Variants in PPARD observed in about 807,000 individuals in gnomAD.
PPARD encodes peroxisome proliferator activated receptor delta.
Under a neutral mutation model 39.5 loss-of-function variants are expected in PPARD, and 6 were observed. That is an observed-to-expected ratio of 0.15 (90% CI 0.08 to 0.30). The LOEUF is 0.30. Ranked by LOEUF, PPARD falls within the 10% of genes least tolerant of loss-of-function variation. The pLI is 1.00. For synonymous variants in PPARD, 210 were observed against 231.3 expected, an observed-to-expected ratio of 0.91 and a Z score of 0.83; for missense variants, 397 against 596.8, an observed-to-expected ratio of 0.67 and a Z score of 3.49.
intron 2 of PPARD, among the ~76,000 whole-genome samples, chr6:35,410,700 G>A (rs1765369493): frequency 6.6e-6 from 1 of 152,208 alleles, no homozygotes; most frequent in South Asian, 2.1e-4. Flanking sequence ...ACAGAAGGCA[G>A]CAGAGGAGGC....
Position 35,420,232 on chromosome 6 carries a change from A to T in PPARD, c.236A>T (p.Asp79Val). 1 of 1,607,808 alleles carries T rather than the reference A, an allele frequency of 6.2e-7. No individual in the cohort carries two copies. Among genetic ancestry groups the T allele is most frequent in the Non-Finnish European group, 8.5e-7 (1 of 1,176,780 alleles). The change falls in exon 4 of 8, where the codon GAC (aspartate) becomes GTC (valine). Residue 79 changes from aspartate to valine, a missense_variant. By Grantham distance (152) the Asp-to-Val change is radical. Transcript: ENST00000360694. ...SLNMECRVCG[D>V]KASGFHYGVH... Reference sequence around the variant, plus strand: ...AACATGGAGTGCCGGGTGTGCGGGGACAAGGCATCGGGCTTCCACTACGGT... The same window carrying T: ...AACATGGAGTGCCGGGTGTGCGGGGTCAAGGCATCGGGCTTCCACTACGGT...
chr6:35,395,698 G>T (rs1476063397), intron 2 of PPARD, among the ~76,000 whole-genome samples: 1 of 152,208 alleles, frequency 6.6e-6, no homozygotes, highest in Non-Finnish European at 1.5e-5. Context: ...AGTCTAATTG[G>T]TCAGGATACA....
chr6:35,423,967 C>T lies in PPARD; in HGVS notation c.446C>T (p.Pro149Leu), dbSNP rs200709799. 1.9e-6 allele frequency: 3 copies of T among 1,614,120 alleles called. No individual in the cohort carries two copies. Among genetic ancestry groups the T allele is most frequent in the South Asian group, 2.2e-5 (2 of 91,078 alleles). Residue 149 changes from proline to leucine, a missense_variant, in exon 6 of 8, where the codon CCG (proline) becomes CTG (leucine). Physicochemically the swap from Pro to Leu is moderately conservative, Grantham distance 98. Transcript: ENST00000360694. ...SHNAIRFGRM[P>L]EAEKRKLVAG... ...GCAGCTATCCGTTTTGGTCGGATGC[C>T]GGAGGCTGAGAAGAGGAAGCTGGTG...
At chr6:35,360,401 C>T (rs1761867193) in intron 2 of PPARD, among the ~76,000 whole-genome samples, 2 of 152,186 alleles carry the variant, frequency 1.3e-5, no homozygotes, top group South Asian at 2.1e-4. Flanking sequence ...CGTTACCCCA[C>T]GGATGAGATC....
At chr6:35,411,709 G>C (rs989161661) in intron 3 of PPARD, among the ~76,000 whole-genome samples, 1 of 152,178 alleles carries the variant, frequency 6.6e-6, no homozygotes, top group Non-Finnish European at 1.5e-5. Context: ...TAAGCAGTTA[G>C]TATGAATAAC....
Position 35,363,541 on chromosome 6 carries a change from T to C in PPARD, c.-102+16391T>C, listed in dbSNP as rs533587901. The stretch of plus-strand genomic sequence containing the variant: ...CATCTGGGGTGACTTCTGGGGCTGG[T>C]GCCTCAGCCTCCAGACGCTCTCCAG... On this transcript the variant is annotated intron_variant, in intron 2 of 7. Transcript: ENST00000360694. This position sits in a 1 kb window ranked among gnomAD's most constrained non-coding sequence, Gnocchi z 4.5. 2.6e-5 allele frequency among the ~76,000 whole-genome samples: 4 copies of C among 152,174 alleles called. No individual in the cohort carries two copies. The highest frequency in any genetic ancestry group is 6.5e-5 in the Admixed American group (1 of 15,276).
chr6:35,351,288 G>T lies in PPARD; in HGVS notation c.-102+4138G>T, dbSNP rs547301432. 2.0e-5 allele frequency among the ~76,000 whole-genome samples: 3 copies of T among 152,294 alleles called. No individual in the cohort carries two copies. The South Asian group carries it at 6.2e-4, about 32-fold the overall frequency. On this transcript the variant is annotated intron_variant, in intron 2 of 7. Transcript: ENST00000360694. ...GATTCACCCGCGTCGGCCTCCCAAA[G>T]TGCTGGGATTACAGATGTGAGCCAC...
rs758778103 is a variant in PPARD at position 35,420,265 on chromosome 6, C to G, written c.269C>G (p.Ala90Gly). ...KASGFHYGVH[A>G]CEGCKGFFRR... is the part of the protein sequence containing the mutation. The stretch of plus-strand genomic sequence containing the variant: ...TCGGGCTTCCACTACGGTGTTCATG[C>G]ATGTGAGGGGTGCAAGGTACGGACT... Residue 90 changes from alanine to glycine, a missense_variant, in exon 4 of 8, where the codon GCA becomes GGA. Transcript: ENST00000360694. 1 of 1,583,988 alleles carries G rather than the reference C, an allele frequency of 6.3e-7. No homozygotes were observed. The highest frequency in any genetic ancestry group is 1.2e-5 in the South Asian group (1 of 85,840).
Position 35,407,895 on chromosome 6 carries a change from C to T in PPARD, c.-101-3092C>T, listed in dbSNP as rs79634747. 7.4e-3 allele frequency among the ~76,000 whole-genome samples: 1,127 copies of T among 151,958 alleles called. 11 individuals carry two copies. Among genetic ancestry groups the T allele is most frequent in the African/African-American group, 0.026 (1,077 of 41,464 alleles). On this transcript the variant is annotated intron_variant, in intron 2 of 7. Transcript: ENST00000360694. ...CCAGTATTGTGGCCAACTTCCACCC[C>T]AGAACCCCACTCTACTCTTGAGCTA...
chr6:35,352,134 G>A (rs1266074438), intron 2 of PPARD, among the ~76,000 whole-genome samples: 1 of 151,402 alleles, frequency 6.6e-6, no homozygotes, highest in Non-Finnish European at 1.5e-5. Context: ...GCCTCCCAAA[G>A]TGCTGGGATT....
Position 35,424,944 on chromosome 6 carries a change from C to G in PPARD, c.1078+165C>G, listed in dbSNP as rs934441002. 9 of 1,437,876 alleles carry G rather than the reference C, an allele frequency of 6.3e-6. No homozygotes were observed. Among genetic ancestry groups the G allele is most frequent in the Admixed American group, 2.8e-5 (1 of 35,798 alleles). The allele number at this position is 1,437,876 out of a possible 1,614,324, so 89.1% of individuals were successfully genotyped here. A position where few individuals can be genotyped will look rare whatever the true frequency, so the allele number is the denominator to read the frequency against. ...ACTGACTGAGCATGCAGGATCAGCT[C>G]CATCTCATTATGTACGTAGATAGAG... On this transcript the variant is annotated intron_variant, in intron 7 of 7. Transcript: ENST00000360694. The surrounding 1 kb of genome is among the most constrained non-coding windows in gnomAD (Gnocchi z 7.1).
chr6:35,384,503 C>A (rs1436693946), intron 2 of PPARD, among the ~76,000 whole-genome samples: 19 of 123,178 alleles, frequency 1.5e-4, no homozygotes, highest in African/African-American at 6.7e-4. Flanking sequence ...CAGCCCCCCG[C>A]CCGGCCAGCC....
chr6:35,361,033 A>C (rs1450176762), intron 2 of PPARD, among the ~76,000 whole-genome samples: 1 of 152,176 alleles, frequency 6.6e-6, no homozygotes, highest in Non-Finnish European at 1.5e-5. Flanking sequence ...CGAGACAGAG[A>C]AACAGCCACA....
At position 35,424,824 on chromosome 6, in the gene PPARD, G is replaced by A. The variant is rs144386007; in HGVS notation, c.1078+45G>A. 1.2e-3 allele frequency: 1,915 copies of A among 1,592,660 alleles called. 13 individuals carry two copies. In the Middle Eastern group the frequency reaches 0.013, roughly 11 times the overall value. On this transcript the variant is annotated intron_variant, in intron 7 of 7. Coordinates refer to ENST00000360694, the MANE Select transcript of PPARD (RefSeq NM_006238.5). This position sits in a 1 kb window ranked among gnomAD's most constrained non-coding sequence, Gnocchi z 7.1. ...GTGGGCTGGCCTGGCACACCCAGTCGTCCTGGGGGTTGGCCCTCACTGCAG... is the reference window on the plus strand; with the variant it reads ...GTGGGCTGGCCTGGCACACCCAGTCATCCTGGGGGTTGGCCCTCACTGCAG...
At chr6:35,423,248 G>A (rs544720407) in intron 5 of PPARD, among the ~76,000 whole-genome samples, 1 of 151,424 alleles carries the variant, frequency 6.6e-6, no homozygotes, top group East Asian at 2.0e-4. Context: ...AAAGAAAAAG[G>A]CTGGGCATGG....
intron 2 of PPARD, among the ~76,000 whole-genome samples, chr6:35,350,155 A>T (rs1035379544): frequency 6.6e-6 from 1 of 151,926 alleles, no homozygotes; most frequent in East Asian, 1.9e-4. Context: ...CTTGTTATTA[A>T]CCCCTTGTGA....
chr6:35,375,301 T>C (rs1156302437), intron 2 of PPARD, among the ~76,000 whole-genome samples: 1 of 126,884 alleles, frequency 7.9e-6, no homozygotes, highest in Non-Finnish European at 1.6e-5. Context: ...CAGCGCAACC[T>C]CTGCCTCCCA....
chr6:35,388,859 C>G (rs1763836687), intron 2 of PPARD, among the ~76,000 whole-genome samples: 1 of 152,210 alleles, frequency 6.6e-6, no homozygotes. Context: ...TAATCATTGA[C>G]TTATCAGACA....
intron 2 of PPARD, among the ~76,000 whole-genome samples, chr6:35,404,994 TGTGTGTAC>T: frequency 6.7e-6 from 1 of 150,296 alleles, no homozygotes; most frequent in African/African-American, 2.4e-5. Flanking sequence ...TGTGTGTGTG[TGTGTGTAC>T]ACACATACAT....
Sources: allele counts gnomAD v4.1 joint callset (sites outside exome capture counted in the v4.1 genomes callset), GRCh38; gene constraint gnomAD v4.1.1; non-coding constraint Gnocchi (gnomAD v3.1); transcripts MANE v1.5; gene names NCBI Gene and HGNC (gene_info 2026-07-23, HGNC 2026-07-21).